CLCN6: variants seen among roughly 807,000 people sequenced by gnomAD.
CLCN6 encodes H(+)/Cl(-) exchange transporter 6.
Under a neutral mutation model 109.8 loss-of-function variants are expected in CLCN6, and 70 were observed. The ratio of observed to expected loss-of-function variants is 0.64; its 90% CI spans 0.53 to 0.78. The LOEUF (loss-of-function observed/expected upper bound fraction) is 0.78, where lower values mean the gene tolerates loss of function less well. CLCN6 is among the 30% of genes least tolerant of loss of function. The probability of loss-of-function intolerance (pLI) is 0.00; values close to 1 mark genes in which losing one functional copy is unlikely to be tolerated. For missense variants in CLCN6, 984 were observed against 1,142.3 expected (o/e 0.86, Z 2.00); for synonymous variants, 444 against 447.8 (o/e 0.99, Z 0.11).
intron 4 of CLCN6, among the ~76,000 whole-genome samples, chr1:11,817,057 G>A (rs555714428): frequency 3.3e-5 from 5 of 152,110 alleles, no homozygotes; most frequent in Admixed American, 2.0e-4. Flanking sequence ...AATGCATTGG[G>A]TAGAGTAAAT....
Position 11,828,226 on chromosome 1 carries a change from T to C in CLCN6, c.954+7T>C, listed in dbSNP as rs762854886. ...GAACTTTGGCGAGTTTAAGGTATGT[T>C]TTGTCCTTTCCCCAAGGATTTTTAA... On this transcript the variant is annotated splice_region_variant and intron_variant, in intron 11 of 22. Transcript: ENST00000346436. 1 of 1,608,060 alleles carries C rather than the reference T, an allele frequency of 6.2e-7. No homozygotes were observed. The highest frequency in any genetic ancestry group is 2.2e-5 in the East Asian group (1 of 44,848).
At chr1:11,835,928 C>T (rs1478942818) in intron 17 of CLCN6, 39 bp from the exon 18 acceptor site, 1 of 1,586,976 alleles carries the variant, frequency 6.3e-7, no homozygotes, top group Non-Finnish European at 8.6e-7. Context: ...GGCCTGCGGG[C>T]ACTGTCATGA....
At chr1:11,830,776 CTA>C (rs1553120511) in intron 13 of CLCN6, among the ~76,000 whole-genome samples, 60 of 118,110 alleles carry the variant, frequency 5.1e-4, no homozygotes, top group Middle Eastern at 4.0e-3. Context: ...CACACACACA[CTA>C]TATATACACA....
chr1:11,824,405 G>T, intron 7 of CLCN6, 81 bp from the exon 8 acceptor site: 1 of 1,077,424 alleles, frequency 9.3e-7, no homozygotes. Flanking sequence ...TTGTCACGAG[G>T]AAGGTTTTTG....
chr1:11,827,243 A>G (rs1473874992), intron 10 of CLCN6, 22 bp downstream of exon 10: 4 of 1,600,496 alleles, frequency 2.5e-6, no homozygotes, highest in Admixed American at 3.5e-5. Flanking sequence ...CTTCAGTGAA[A>G]GCATTAACCA....
In CLCN6 at chr1:11,840,742, C is replaced by T. The variant is rs1320205714; in HGVS notation, c.*519C>T. 1 of 185,126 alleles carries T rather than the reference C, an allele frequency of 5.4e-6. No individual in the cohort carries two copies. Among genetic ancestry groups the T allele is most frequent in the Non-Finnish European group, 1.2e-5 (1 of 86,198 alleles). The allele number at this position is 185,126 out of a possible 1,614,324, so 11.5% of individuals were successfully genotyped here. A position where few individuals can be genotyped will look rare whatever the true frequency, so the allele number is the denominator to read the frequency against. On this transcript the variant is annotated 3_prime_UTR_variant, in exon 23 of 23. Coordinates refer to ENST00000346436, the MANE Select transcript of CLCN6 (RefSeq NM_001286.5). ...CAGAGAGTCCTTCCCTTATTTGGGA[C>T]TCTTAACACGGTATCCTCGCTAGTT...
At position 11,840,278 on chromosome 1, in the gene CLCN6, C is replaced by A; in HGVS notation, c.*55C>A. ...CTGGGGAGGCAAATCATGCTCACTCCGGCGGGCACAGCTGGCTGGGGCTGT... is the reference window on the plus strand; with the variant it reads ...CTGGGGAGGCAAATCATGCTCACTCAGGCGGGCACAGCTGGCTGGGGCTGT... On this transcript the variant is annotated 3_prime_UTR_variant, in exon 23 of 23. Transcript: ENST00000346436. The A allele has an allele frequency of 6.8e-7, 1 of 1,465,012 alleles. No individual in the cohort carries two copies. Among genetic ancestry groups the A allele is most frequent in the South Asian group, 1.1e-5 (1 of 88,346 alleles). 90.8% of individuals were successfully genotyped at this position (1,465,012 alleles called of 1,614,324 possible). A position where few individuals can be genotyped will look rare whatever the true frequency, so the allele number is the denominator to read the frequency against.
intron 20 of CLCN6, among the ~76,000 whole-genome samples, chr1:11,837,917 A>G (rs1234989588): frequency 6.6e-6 from 1 of 152,124 alleles, no homozygotes; most frequent in East Asian, 1.9e-4. Context: ...CTAATCCAGC[A>G]TGGGTTCATC....
chr1:11,835,811 C>G (rs901206073), intron 17 of CLCN6, among the ~76,000 whole-genome samples, 156 bp from the exon 18 acceptor site: 6 of 152,142 alleles, frequency 3.9e-5, no homozygotes, highest in Admixed American at 2.0e-4. Context: ...GATAGAAGTA[C>G]AAAGGAATGC....
At position 11,840,959 on chromosome 1, in the gene CLCN6, C is replaced by T. The variant is rs796081826; in HGVS notation, c.*736C>T. Reference sequence around the variant, plus strand: ...CTAATTCTTAACATTGCAGCTTTCTCTCCATCTGCAGATTATTCCCAGTCT... The same window carrying T: ...CTAATTCTTAACATTGCAGCTTTCTTTCCATCTGCAGATTATTCCCAGTCT... On this transcript the variant is annotated 3_prime_UTR_variant, in exon 23 of 23. Transcript: ENST00000346436. 15 of 152,432 alleles carry T rather than the reference C, an allele frequency of 9.8e-5. No individual in the cohort carries two copies. The highest frequency in any genetic ancestry group is 3.6e-4 in the African/African-American group (15 of 41,584). 9.4% of individuals were successfully genotyped at this position (152,432 alleles called of 1,614,324 possible). A position where few individuals can be genotyped will look rare whatever the true frequency, so the allele number is the denominator to read the frequency against.
At chr1:11,824,835 C>T (rs1265802742) in intron 8 of CLCN6, among the ~76,000 whole-genome samples, 1 of 152,152 alleles carries the variant, frequency 6.6e-6, no homozygotes, top group Non-Finnish European at 1.5e-5. Flanking sequence ...CACCAGGCGC[C>T]TCTATATAGG....
At chr1:11,825,905 C>T (rs988807784) in intron 8 of CLCN6, among the ~76,000 whole-genome samples, 16 of 152,212 alleles carry the variant, frequency 1.1e-4, no homozygotes, top group African/African-American at 2.9e-4. Flanking sequence ...GGATTACAGG[C>T]GTGAGCCATG....
rs1183737662 is a variant in CLCN6 at position 11,826,182 on chromosome 1, C to A, written c.675C>A (p.Ile225=). The change falls in exon 9 of 23, where the codon ATC becomes ATA. Residue 225 remains isoleucine, a synonymous_variant. Transcript: ENST00000346436. ...PQFQSISLRK[I]QFNFPYFRSD... is the part of the protein sequence containing the mutation. Reference sequence around the variant, plus strand: ...TTCAGAGCATCTCCTTACGGAAGATCCAGTTTAACTTCCCCTATTTCCGAA... The same window carrying A: ...TTCAGAGCATCTCCTTACGGAAGATACAGTTTAACTTCCCCTATTTCCGAA... The A allele has an allele frequency of 1.2e-6, 2 of 1,613,748 alleles. No homozygotes were observed. The highest frequency in any genetic ancestry group is 2.7e-5 in the African/African-American group (2 of 74,858).
Position 11,822,809 on chromosome 1 carries a change from G to A in CLCN6, c.453+8G>A, listed in dbSNP as rs1473016687. The A allele has an allele frequency of 6.3e-7, 1 of 1,587,008 alleles. No homozygotes were observed. The highest frequency in any genetic ancestry group is 1.3e-5 in the African/African-American group (1 of 74,378). On this transcript the variant is annotated splice_region_variant and intron_variant, in intron 6 of 22. Transcript: ENST00000346436. ...CTCCTTGTTCTCATTGAGGTGAGGT[G>A]GTTTGGATTCACCTGCTCGCTTAGG...
intron 22 of CLCN6, chr1:11,838,894 C>T (rs183054180): frequency 1.4e-5 from 10 of 723,894 alleles, no homozygotes; most frequent in African/African-American, 5.2e-5. Flanking sequence ...AGAGCCGCGC[C>T]TCTACCAGGC....
intron 13 of CLCN6, among the ~76,000 whole-genome samples, chr1:11,831,486 A>G (rs944410345): frequency 2.0e-5 from 3 of 152,168 alleles, no homozygotes; most frequent in Non-Finnish European, 4.4e-5. Context: ...TTGAGAGAAA[A>G]AAAAGAATAT....
In CLCN6 at chr1:11,834,221, G is replaced by A. The variant is rs1221658727; in HGVS notation, c.1527-15G>A. 2 of 1,608,240 alleles carry A rather than the reference G, an allele frequency of 1.2e-6. No homozygotes were observed. The highest frequency in any genetic ancestry group is 8.5e-7 in the Non-Finnish European group (1 of 1,177,068). On this transcript the variant is annotated splice_polypyrimidine_tract_variant and intron_variant, in intron 15 of 22. Transcript: ENST00000346436. The surrounding 1 kb of genome is among the most constrained non-coding windows in gnomAD (Gnocchi z 4.5). ...TGTGGTTCAAAGCCATGTTCTCGGT[G>A]TTTTCCTTCACTAGCTACATTGGAT...
At chr1:11,839,055 T>C in intron 22 of CLCN6, 1 of 601,312 alleles carries the variant, frequency 1.7e-6, no homozygotes, top group Non-Finnish European at 3.0e-6. Context: ...TAATTATTGC[T>C]GCAGACTTTC....
chr1:11,822,683 C>G lies in CLCN6; in HGVS notation c.347-12C>G. ...GGCTGATGAACAAGTTTCCTTAACC[C>G]AGTTTCCGCAGCGGTGGAGGAGTGC... On this transcript the variant is annotated splice_polypyrimidine_tract_variant and intron_variant, in intron 5 of 22. Coordinates refer to ENST00000346436, the MANE Select transcript of CLCN6 (RefSeq NM_001286.5). 6.3e-7 allele frequency: 1 copy of G among 1,576,596 alleles called. No individual in the cohort carries two copies. The highest frequency in any genetic ancestry group is 8.7e-7 in the Non-Finnish European group (1 of 1,146,274).
Sources: gnomAD v4.1 joint callset for allele counts (sites outside exome capture counted in the v4.1 genomes callset) on GRCh38, gnomAD v4.1.1 for gene constraint, Gnocchi (gnomAD v3.1) non-coding constraint, MANE v1.5 for transcripts, NCBI Gene and HGNC (gene_info 2026-07-23, HGNC 2026-07-21) for gene names.